Variants in TFAP2D observed in about 807,000 individuals in gnomAD.
TFAP2D encodes the protein transcription factor AP-2 delta.
In TFAP2D, 9 loss-of-function variants were observed where a neutral mutation model predicts 43.6. That is an observed-to-expected ratio of 0.21 (90% CI 0.12 to 0.36). TFAP2D has a LOEUF of 0.36. Ranked by LOEUF, TFAP2D falls within the 10% of genes least tolerant of loss-of-function variation. TFAP2D has a pLI of 1.00. For synonymous variants in TFAP2D, 256 were observed against 224.9 expected (o/e 1.14, Z -1.24); for missense variants, 513 against 561.4 (o/e 0.91, Z 0.87).
At chr6:50,739,077 T>C (rs1194787887) in intron 5 of TFAP2D, among the ~76,000 whole-genome samples, 3 of 152,170 alleles carry the variant, frequency 2.0e-5, no homozygotes, top group Non-Finnish European at 4.4e-5. Flanking sequence ...TGAAACACTT[T>C]TTTTTCTATG....
chr6:50,732,562 T>C (rs1473067413), intron 5 of TFAP2D, among the ~76,000 whole-genome samples: 1 of 152,056 alleles, frequency 6.6e-6, no homozygotes, highest in Non-Finnish European at 1.5e-5. Context: ...CTTCTACGAC[T>C]TTGCAGTACT....
chr6:50,771,593 G>T (rs6910261), intron 7 of TFAP2D, among the ~76,000 whole-genome samples: 1 of 152,128 alleles, frequency 6.6e-6, no homozygotes, highest in South Asian at 2.1e-4. Flanking sequence ...AGAATCTAAA[G>T]GTGTGTTTTC....
chr6:50,741,050 C>T (rs1268310248), intron 5 of TFAP2D, among the ~76,000 whole-genome samples: 1 of 151,718 alleles, frequency 6.6e-6, no homozygotes, highest in Non-Finnish European at 1.5e-5. Flanking sequence ...TTTATTTGTG[C>T]CTGCTTTTTA....
rs893358711 is a variant in TFAP2D at position 50,755,934 on chromosome 6, G to T, written c.1139+4610G>T. Among the ~76,000 whole-genome samples, 5 of 151,852 alleles carry T rather than the reference G, an allele frequency of 3.3e-5. No individual in the cohort carries two copies. In the East Asian group the frequency reaches 9.7e-4, roughly 29 times the overall value. On this transcript the variant is annotated intron_variant, in intron 7 of 7. Coordinates refer to ENST00000008391, the MANE Select transcript of TFAP2D (RefSeq NM_172238.4). ...AGGTTCTCAATCTGTTACCTAGGTT[G>T]GAGTGCAGTGGCTCAATCATGTCTC... is the stretch of plus-strand genomic sequence containing the variant.
intron 5 of TFAP2D, among the ~76,000 whole-genome samples, chr6:50,735,509 T>A (rs1768950240): frequency 6.6e-6 from 1 of 152,222 alleles, no homozygotes; most frequent in South Asian, 2.1e-4. Context: ...ATGAACCTTC[T>A]GCTTCTACTT....
intron 3 of TFAP2D, among the ~76,000 whole-genome samples, chr6:50,720,973 A>T (rs2114031127): frequency 6.6e-6 from 1 of 152,306 alleles, no homozygotes; most frequent in Non-Finnish European, 1.5e-5. Flanking sequence ...GAGGCCGAGG[A>T]GGGAGTTAGA....
intron 6 of TFAP2D, among the ~76,000 whole-genome samples, chr6:50,750,541 T>C (rs1157287536): frequency 1.3e-5 from 2 of 151,962 alleles, no homozygotes; most frequent in African/African-American, 4.8e-5. Context: ...TACTGTTACA[T>C]TGTAACACTG....
rs1021674451 is a variant in TFAP2D, at chr6:50,727,752, C to T, written c.599-1104C>T. ...CAAAATACATGATCAAAAAAGCCAA[C>T]TTTGAATTTGCCTCGGACCCTTAAA... On this transcript the variant is annotated intron_variant, in intron 3 of 7. Transcript: ENST00000008391. Among the ~76,000 whole-genome samples, 10 of 152,126 alleles carry T rather than the reference C, an allele frequency of 6.6e-5. No homozygotes were observed. The South Asian group carries it at 1.9e-3, about 28-fold the overall frequency.
rs759367228 is a variant in TFAP2D at position 50,730,777 on chromosome 6, A to C, written c.883+1465A>C. Among the ~76,000 whole-genome samples, 4 of 152,088 alleles carry C rather than the reference A, an allele frequency of 2.6e-5. No homozygotes were observed. In the South Asian group the frequency reaches 8.3e-4, roughly 32 times the overall value. ...ATCAACTGAAACTCATTCTGGGGTG[A>C]TGGCTTAGGCATCTAAAGTTTTTAA... On this transcript the variant is annotated intron_variant, in intron 5 of 7. Transcript: ENST00000008391.
intron 6 of TFAP2D, among the ~76,000 whole-genome samples, chr6:50,747,805 G>A (rs772684406): frequency 2.0e-5 from 3 of 152,018 alleles, no homozygotes; most frequent in East Asian, 1.9e-4. Flanking sequence ...TTCGGGTAGC[G>A]TATTTGACCA....
chr6:50,727,175 A>G (rs1481542305), intron 3 of TFAP2D, among the ~76,000 whole-genome samples: 2 of 152,156 alleles, frequency 1.3e-5, no homozygotes, highest in Admixed American at 1.3e-4. Flanking sequence ...TAGAATGCTT[A>G]GGGAGAAAGA....
intron 5 of TFAP2D, among the ~76,000 whole-genome samples, chr6:50,734,395 C>A (rs1326931190): frequency 6.6e-6 from 1 of 151,986 alleles, no homozygotes; most frequent in Non-Finnish European, 1.5e-5. Flanking sequence ...AGGATAATGC[C>A]AGCTGTTATA....
chr6:50,716,396 T>C (rs1341286816), intron 2 of TFAP2D, among the ~76,000 whole-genome samples: 1 of 138,980 alleles, frequency 7.2e-6, no homozygotes, highest in African/African-American at 2.7e-5. Flanking sequence ...CTTAAAAAGA[T>C]AAAAATGAGG....
At chr6:50,744,715 TAAG>T (rs1226729774) in intron 5 of TFAP2D, among the ~76,000 whole-genome samples, 1 of 152,132 alleles carries the variant, frequency 6.6e-6, no homozygotes, top group Non-Finnish European at 1.5e-5. Flanking sequence ...TTAGACACAC[TAAG>T]AATAGGTTGT....
At chr6:50,731,533 G>T (rs1375537307) in intron 5 of TFAP2D, among the ~76,000 whole-genome samples, 1 of 151,494 alleles carries the variant, frequency 6.6e-6, no homozygotes, top group Non-Finnish European at 1.5e-5. Context: ...TCCATATTTT[G>T]TTTCTTTTAA....
chr6:50,715,294 C>CCTT lies in TFAP2D; in HGVS notation c.220_222dup (p.Phe74dup). ...CAGTACACCCCGCTCCACCACCAGTCCTTCCATTACGAGTTTCAGCACAGC... is the reference window on the plus strand; with the variant it reads ...CAGTACACCCCGCTCCACCACCAGTCCTTCTTCCATTACGAGTTTCAGCACAGC... On this transcript the variant is annotated inframe_insertion, in exon 2 of 8. Coordinates refer to ENST00000008391, the MANE Select transcript of TFAP2D (RefSeq NM_172238.4). The CCTT allele has an allele frequency of 6.2e-7, 1 of 1,614,064 alleles. No homozygotes were observed. The highest frequency in any genetic ancestry group is 8.5e-7 in the Non-Finnish European group (1 of 1,179,984).
At chr6:50,759,206 A>G (rs188764550) in intron 7 of TFAP2D, among the ~76,000 whole-genome samples, 7 of 152,090 alleles carry the variant, frequency 4.6e-5, no homozygotes, top group Admixed American at 2.6e-4. Context: ...ATCTTTGTTG[A>G]GCTATTGACT....
intron 6 of TFAP2D, among the ~76,000 whole-genome samples, chr6:50,747,013 T>C (rs888238768): frequency 6.6e-6 from 1 of 152,090 alleles, no homozygotes; most frequent in African/African-American, 2.4e-5. Context: ...AAGAAACTTA[T>C]AAGGCAGGTA....
At chr6:50,747,640 T>C (rs1014350342) in intron 6 of TFAP2D, among the ~76,000 whole-genome samples, 4 of 152,060 alleles carry the variant, frequency 2.6e-5, no homozygotes, top group Non-Finnish European at 5.9e-5. Context: ...TCTTGGAGAT[T>C]CCCATCATTC....
Sources: gnomAD v4.1 joint callset for allele counts (sites outside exome capture counted in the v4.1 genomes callset) on GRCh38, gnomAD v4.1.1 for gene constraint, MANE v1.5 for transcripts, NCBI Gene and HGNC (gene_info 2026-07-23, HGNC 2026-07-21) for gene names.